The following TTC1 variants were observed in gnomAD, a reference collection of about 807,000 sequenced individuals.
The protein encoded by TTC1 is tetratricopeptide repeat domain 1.
A neutral mutation model predicts 37.6 loss-of-function variants in TTC1; 31 were observed. That is an observed-to-expected ratio of 0.82 (90% CI 0.62 to 1.11). The LOEUF (loss-of-function observed/expected upper bound fraction) is 1.11, where lower values mean the gene tolerates loss of function less well. TTC1 is among the 50% of genes most tolerant of loss of function. TTC1 has a pLI of 0.00. For missense variants in TTC1, 351 were observed against 339.0 expected (o/e 1.04, Z -0.28); for synonymous variants, 127 against 122.4 (o/e 1.04, Z -0.25).
rs1372509363 is a variant in TTC1, at chr5:160,057,343, T to C, written c.745+6160T>C. Among the ~76,000 whole-genome samples, 1 of 152,026 alleles carries C rather than the reference T, an allele frequency of 6.6e-6. No individual in the cohort carries two copies. The highest frequency in any genetic ancestry group is 1.5e-5 in the Non-Finnish European group (1 of 68,002). On this transcript the variant is annotated intron_variant, in intron 7 of 7. Transcript: ENST00000231238. The surrounding 1 kb of genome is among the most constrained non-coding windows in gnomAD (Gnocchi z 4.4). ...GTCACAAGAATTTTTTGTTTCCCAGTGCATACAGAAGTTATGTTTATATAA... is the reference window on the plus strand; with the variant it reads ...GTCACAAGAATTTTTTGTTTCCCAGCGCATACAGAAGTTATGTTTATATAA...
chr5:160,018,125 T>G (rs1368884954), intron 2 of TTC1, among the ~76,000 whole-genome samples: 1 of 152,150 alleles, frequency 6.6e-6, no homozygotes. Flanking sequence ...AATAAAAGAC[T>G]TGAGGGAACC....
Position 160,025,819 on chromosome 5 carries a change from C to T in TTC1, c.331-9321C>T, listed in dbSNP as rs540773979. On this transcript the variant is annotated intron_variant, in intron 2 of 7. Coordinates refer to ENST00000231238, the MANE Select transcript of TTC1 (RefSeq NM_003314.3). ...GGGTCTAGCTTCGTTGCCAGTGCAACTCCTGGGCTCAAGCGATTCTCCCAC... is the reference window on the plus strand; with the variant it reads ...GGGTCTAGCTTCGTTGCCAGTGCAATTCCTGGGCTCAAGCGATTCTCCCAC... Among the ~76,000 whole-genome samples the T allele has an allele frequency of 2.0e-5, 3 of 152,268 alleles. No individual in the cohort carries two copies. The East Asian group carries it at 5.8e-4, about 29-fold the overall frequency.
intron 2 of TTC1, among the ~76,000 whole-genome samples, chr5:160,013,405 A>C (rs1756537189): frequency 6.6e-6 from 1 of 152,138 alleles, no homozygotes; most frequent in South Asian, 2.1e-4. Flanking sequence ...GACTAAAAAA[A>C]AAAAATGGCC....
intron 5 of TTC1, among the ~76,000 whole-genome samples, chr5:160,049,266 G>A (rs796903961): frequency 2.0e-5 from 3 of 152,244 alleles, no homozygotes; most frequent in African/African-American, 7.2e-5. Flanking sequence ...CATATTATCT[G>A]TGCCTGCTCT....
chr5:160,011,006 A>G, intron 2 of TTC1, 148 bp downstream of exon 2: 1 of 766,732 alleles, frequency 1.3e-6, no homozygotes, highest in East Asian at 2.7e-5. Flanking sequence ...GATCTGAGAT[A>G]AATCGGTGGC....
chr5:160,020,691 C>T (rs899164992), intron 2 of TTC1, among the ~76,000 whole-genome samples: 1 of 152,242 alleles, frequency 6.6e-6, no homozygotes, highest in Non-Finnish European at 1.5e-5. Context: ...TGCAAGGGAT[C>T]TGTGTTGCCT....
At chr5:160,021,330 C>T (rs1308618196) in intron 2 of TTC1, among the ~76,000 whole-genome samples, 1 of 152,200 alleles carries the variant, frequency 6.6e-6, no homozygotes, top group Admixed American at 6.5e-5. Flanking sequence ...TGACCTAACC[C>T]GTACATTGAC....
chr5:160,051,025 T>G (rs1179469217), intron 6 of TTC1, 104 bp from the exon 7 acceptor site: 2 of 891,996 alleles, frequency 2.2e-6, no homozygotes, highest in Non-Finnish European at 1.7e-6. Context: ...AACTTGATCT[T>G]ATTTCCACAT....
chr5:160,062,807 G>T (rs1015914525), intron 7 of TTC1, among the ~76,000 whole-genome samples: 1 of 149,862 alleles, frequency 6.7e-6, no homozygotes, highest in Non-Finnish European at 1.5e-5. Flanking sequence ...GCTTTTGATG[G>T]TTTTTTTTTT....
In TTC1 at chr5:160,049,980, G is replaced by A. The variant is rs1185907724; in HGVS notation, c.690+318G>A. Among the ~76,000 whole-genome samples the A allele has an allele frequency of 3.9e-5, 6 of 152,310 alleles. No homozygotes were observed. The East Asian group carries it at 9.6e-4, about 24-fold the overall frequency. On this transcript the variant is annotated intron_variant, in intron 6 of 7. Transcript: ENST00000231238. Reference sequence around the variant, plus strand: ...TGTAATCCTAGCTACTCGGGAGGCAGGAGAATTGCTTGAACCCAGAAGGCA... The same window carrying A: ...TGTAATCCTAGCTACTCGGGAGGCAAGAGAATTGCTTGAACCCAGAAGGCA...
Position 160,064,947 on chromosome 5 carries a change from T to C in TTC1, c.761T>C (p.Leu254Pro), listed in dbSNP as rs200788493. ...TACATTACAGGTAAATTAAAAGATC[T>C]TGGGAACTTGGTTCTCCGACCTTTT... ...KEEMLGKLKD[L>P]GNLVLRPFGL... Residue 254 changes from leucine to proline, a missense_variant, in exon 8 of 8, where the codon CTT becomes CCT. Physicochemically the swap from Leu to Pro is moderately conservative, Grantham distance 98 (BLOSUM62 -3). Transcript: ENST00000231238. 1.9e-6 allele frequency: 3 copies of C among 1,611,484 alleles called. No individual in the cohort carries two copies. The highest frequency in any genetic ancestry group is 2.5e-6 in the Non-Finnish European group (3 of 1,179,484).
chr5:160,013,058 T>C lies in TTC1; in HGVS notation c.330+2200T>C, dbSNP rs548580319. On this transcript the variant is annotated intron_variant, in intron 2 of 7. Coordinates refer to ENST00000231238, the MANE Select transcript of TTC1 (RefSeq NM_003314.3). Reference sequence around the variant, plus strand: ...TTTTCTATTCATTTATATATCAGTCTAAGTGTTTTCATAGCTAATTTGAAA... The same window carrying C: ...TTTTCTATTCATTTATATATCAGTCCAAGTGTTTTCATAGCTAATTTGAAA... 5.9e-5 allele frequency among the ~76,000 whole-genome samples: 9 copies of C among 152,330 alleles called. No individual in the cohort carries two copies. The South Asian group carries it at 1.9e-3, about 32-fold the overall frequency.
chr5:160,016,099 C>G (rs1389685868), intron 2 of TTC1, among the ~76,000 whole-genome samples: 1 of 152,106 alleles, frequency 6.6e-6, no homozygotes, highest in Non-Finnish European at 1.5e-5. Flanking sequence ...AAATCTTGGC[C>G]GGGTGCAGTG....
In TTC1 at chr5:160,045,486, A is replaced by G. The variant is rs1299695621; in HGVS notation, c.541+2317A>G. On this transcript the variant is annotated intron_variant, in intron 5 of 7. Coordinates refer to ENST00000231238, the MANE Select transcript of TTC1 (RefSeq NM_003314.3). ...CACACACACACACACACACACACACACACACACACACACACACACACACAC... is the reference window on the plus strand; with the variant it reads ...CACACACACACACACACACACACACGCACACACACACACACACACACACAC... 2.5e-5 allele frequency among the ~76,000 whole-genome samples: 3 copies of G among 120,040 alleles called. No homozygotes were observed. In the South Asian group the frequency reaches 9.3e-4, roughly 37 times the overall value. The allele number at this position is 120,040 out of a possible 152,430, so 78.8% of individuals were successfully genotyped here.
chr5:160,049,493 T>C (rs780388671), intron 5 of TTC1, 21 bp from the exon 6 acceptor site: 2 of 1,548,566 alleles, frequency 1.3e-6, no homozygotes, highest in Non-Finnish European at 1.7e-6. Flanking sequence ...GTGATAAAAA[T>C]TATTTCTTCT....
At chr5:160,020,565 A>T (rs1561626155) in intron 2 of TTC1, among the ~76,000 whole-genome samples, 1 of 152,252 alleles carries the variant, frequency 6.6e-6, no homozygotes, top group Non-Finnish European at 1.5e-5. Context: ...GCGAAGCTTC[A>T]TCTGTATTTA....
intron 7 of TTC1, among the ~76,000 whole-genome samples, 179 bp from the exon 8 acceptor site, chr5:160,064,753 A>G (rs1753549455): frequency 6.6e-6 from 1 of 152,176 alleles, no homozygotes; most frequent in African/African-American, 2.4e-5. Flanking sequence ...TGCACTGCTG[A>G]GTGGGGAATA....
At chr5:160,043,071 A>C in intron 4 of TTC1, 62 bp from the exon 5 acceptor site, 1 of 1,543,648 alleles carries the variant, frequency 6.5e-7, no homozygotes, top group Non-Finnish European at 8.9e-7. Context: ...TCATGTCATT[A>C]AGCCTTTGGG....
chr5:160,022,709 C>G (rs1362349358), intron 2 of TTC1, among the ~76,000 whole-genome samples: 3 of 152,070 alleles, frequency 2.0e-5, no homozygotes, highest in Non-Finnish European at 4.4e-5. Flanking sequence ...TAGTAGCATA[C>G]CATTTCCATT....
Sources: allele counts gnomAD v4.1 joint callset (sites outside exome capture counted in the v4.1 genomes callset), GRCh38; gene constraint gnomAD v4.1.1; non-coding constraint Gnocchi (gnomAD v3.1); transcripts MANE v1.5; gene names NCBI Gene and HGNC (gene_info 2026-07-23, HGNC 2026-07-21).